WDFY4: variants seen among roughly 807,000 people sequenced by gnomAD.
WDFY4 encodes the protein WDFY family member 4.
In WDFY4, 169 loss-of-function variants were observed where a neutral mutation model predicts 351.9. The observed-to-expected ratio is 0.48, with a 90% CI of 0.42 to 0.55. The LOEUF (loss-of-function observed/expected upper bound fraction) is 0.55, where lower values mean the gene tolerates loss of function less well. WDFY4 is among the 20% of genes least tolerant of loss of function. The pLI is 0.00. For missense variants in WDFY4, 3,803 were observed against 3,935.6 expected (o/e 0.97, Z 0.90); for synonymous variants, 1,622 against 1,574.6 (o/e 1.03, Z -0.71).
intron 13 of WDFY4, among the ~76,000 whole-genome samples, chr10:48,762,226 G>A (rs1326681165): frequency 6.6e-6 from 1 of 152,232 alleles, no homozygotes; most frequent in Non-Finnish European, 1.5e-5. Context: ...TGAGAAAAGT[G>A]GAGTGGCGGA....
chr10:48,811,491 A>T, intron 29 of WDFY4, 48 bp from the exon 30 acceptor site: 1 of 1,529,860 alleles, frequency 6.5e-7, no homozygotes, highest in Non-Finnish European at 8.8e-7. Flanking sequence ...CACCTTGACC[A>T]GCAGCTGTTC....
At chr10:48,809,744 C>A (rs1018907107) in intron 28 of WDFY4, among the ~76,000 whole-genome samples, 1 of 152,204 alleles carries the variant, frequency 6.6e-6, no homozygotes, top group Non-Finnish European at 1.5e-5. Context: ...AGGAGCTCTG[C>A]CAAAGTCATC....
At chr10:48,721,968 A>C (rs1481146097) in intron 4 of WDFY4, among the ~76,000 whole-genome samples, 2 of 151,298 alleles carry the variant, frequency 1.3e-5, no homozygotes, top group African/African-American at 2.4e-5. Flanking sequence ...TTCCCTTCCC[A>C]CCCATACCCA....
At chr10:48,923,034 A>T (rs1839232917) in intron 47 of WDFY4, among the ~76,000 whole-genome samples, 1 of 152,222 alleles carries the variant, frequency 6.6e-6, no homozygotes. Context: ...TTACTGCAGA[A>T]ACATTTTTAA....
intron 12 of WDFY4, among the ~76,000 whole-genome samples, chr10:48,746,786 T>C (rs557202122): frequency 6.6e-6 from 1 of 152,308 alleles, no homozygotes; most frequent in East Asian, 1.9e-4. Flanking sequence ...ATCTTTATCC[T>C]TCCAATTAAG....
rs1362386514 is a variant in WDFY4 at position 48,739,091 on chromosome 10, T to C, written c.1878+3021T>C. Among the ~76,000 whole-genome samples, 3 of 152,388 alleles carry C rather than the reference T, an allele frequency of 2.0e-5. No individual in the cohort carries two copies. In the South Asian group the frequency reaches 6.2e-4, roughly 32 times the overall value. ...TGATTGGGTTATGCACAAATTCAGATTGATTTGCTAATATACATTTAGCTG... is the reference window on the plus strand; with the variant it reads ...TGATTGGGTTATGCACAAATTCAGACTGATTTGCTAATATACATTTAGCTG... On this transcript the variant is annotated intron_variant, in intron 11 of 61. Coordinates refer to ENST00000325239, the MANE Select transcript of WDFY4 (RefSeq NM_001394531.1).
chr10:48,967,499 C>T (rs1196323885), intron 55 of WDFY4: 7 of 152,222 alleles, frequency 4.6e-5, no homozygotes. Context: ...AGATGGGCCA[C>T]CTTCGGTGCC....
In WDFY4 at chr10:48,974,527, A is replaced by AAAAAAACAAACAAAACAAC; in HGVS notation, c.8929-333_8929-332insAAAACAAACAAAACAACAA. Among the ~76,000 whole-genome samples the AAAAAAACAAACAAAACAAC allele has an allele frequency of 6.5e-4, 15 of 23,196 alleles. 4 individuals carry two copies. Among genetic ancestry groups the AAAAAAACAAACAAAACAAC allele is most frequent in the Non-Finnish European group, 2.2e-3 (12 of 5,346 alleles). 15.2% of individuals were successfully genotyped at this position (23,196 alleles called of 152,430 possible). Reference sequence around the variant, plus strand: ...CAAAAAAAAAAAAAAAAAAAAAAAAAAACAACTCATGACATGAACTGCTCC... The same window carrying AAAAAAACAAACAAAACAAC: ...CAAAAAAAAAAAAAAAAAAAAAAAAAAAAAAACAAACAAAACAACAACAACTCATGACATGAACTGCTCC... On this transcript the variant is annotated intron_variant, in intron 57 of 61. Transcript: ENST00000325239.
intron 28 of WDFY4, among the ~76,000 whole-genome samples, chr10:48,809,790 G>GGA (rs1406010974): frequency 6.6e-6 from 1 of 152,216 alleles, no homozygotes; most frequent in Non-Finnish European, 1.5e-5. Flanking sequence ...CTAGAAAAGA[G>GGA]GACAGCCTCT....
intron 51 of WDFY4, 66 bp downstream of exon 51, chr10:48,947,035 A>G: frequency 7.8e-7 from 1 of 1,280,524 alleles, no homozygotes; most frequent in African/African-American, 1.5e-5. Flanking sequence ...CCTGTATCAC[A>G]AGACTAAGAC....
intron 47 of WDFY4, among the ~76,000 whole-genome samples, chr10:48,920,058 C>G (rs1838913197): frequency 6.6e-6 from 1 of 151,922 alleles, no homozygotes; most frequent in Non-Finnish European, 1.5e-5. Context: ...ATATAAATGA[C>G]AGCCCAAACT....
chr10:48,721,444 G>GAC, intron 4 of WDFY4, 77 bp downstream of exon 4: 1 of 1,355,006 alleles, frequency 7.4e-7, no homozygotes, highest in Non-Finnish European at 1.0e-6. Context: ...CAGGGTGGTG[G>GAC]CATATCCCAA....
chr10:48,857,550 G>T (rs1032548278), intron 39 of WDFY4, among the ~76,000 whole-genome samples: 2 of 151,996 alleles, frequency 1.3e-5, no homozygotes, highest in Non-Finnish European at 2.9e-5. Context: ...CTCTGGAAAG[G>T]TCTCAGGAAT....
intron 13 of WDFY4, among the ~76,000 whole-genome samples, chr10:48,765,785 G>T (rs2065649562): frequency 6.6e-6 from 1 of 152,170 alleles, no homozygotes; most frequent in Non-Finnish European, 1.5e-5. Context: ...ACATTAGAGA[G>T]ACTATTGTCA....
chr10:48,786,232 A>G (rs1173819308), intron 19 of WDFY4, among the ~76,000 whole-genome samples: 2 of 152,216 alleles, frequency 1.3e-5, no homozygotes, highest in Non-Finnish European at 2.9e-5. Context: ...GATATTAAAA[A>G]AAATTCCTTG....
intron 52 of WDFY4, among the ~76,000 whole-genome samples, chr10:48,958,754 C>T (rs570508728): frequency 2.6e-5 from 4 of 152,196 alleles, no homozygotes; most frequent in East Asian, 3.9e-4. Context: ...GCTGAGAAGT[C>T]CTATGAGGAA....
intron 11 of WDFY4, among the ~76,000 whole-genome samples, chr10:48,742,435 G>T (rs1029849434): frequency 2.0e-5 from 3 of 152,240 alleles, no homozygotes; most frequent in Non-Finnish European, 4.4e-5. Flanking sequence ...ATAACAAGCT[G>T]CTTCTATGAG....
At chr10:48,732,044 G>C (rs1006891652) in intron 9 of WDFY4, among the ~76,000 whole-genome samples, 1 of 152,166 alleles carries the variant, frequency 6.6e-6, no homozygotes, top group Non-Finnish European at 1.5e-5. Context: ...TTGGTGCCCT[G>C]CTGGGCTGCA....
chr10:48,868,182 T>C (rs1326999345), intron 40 of WDFY4, among the ~76,000 whole-genome samples: 1 of 152,114 alleles, frequency 6.6e-6, no homozygotes, highest in Non-Finnish European at 1.5e-5. Context: ...GTTTCCCCCT[T>C]AAAAGCCCAC....
Sources: allele counts gnomAD v4.1 joint callset (sites outside exome capture counted in the v4.1 genomes callset), GRCh38; gene constraint gnomAD v4.1.1; transcripts MANE v1.5; gene names NCBI Gene and HGNC (gene_info 2026-07-23, HGNC 2026-07-21).